Variants in ZNF148 observed in about 807,000 individuals in gnomAD.
ZNF148 encodes the protein Beta-Enolase Repressor Factor-1.
Under a neutral mutation model 67.7 loss-of-function variants are expected in ZNF148, and 7 were observed. That is an observed-to-expected ratio of 0.10 (90% CI 0.06 to 0.19). ZNF148 has a LOEUF of 0.19. Ranked by LOEUF, ZNF148 falls within the 10% of genes least tolerant of loss-of-function variation. ZNF148 has a pLI of 1.00. For missense variants in ZNF148, 583 were observed against 947.1 expected, an observed-to-expected ratio of 0.62 and a Z score of 5.05; for synonymous variants, 333 against 330.7, an observed-to-expected ratio of 1.01 and a Z score of -0.08.
At chr3:125,315,660 G>T (rs1313086590) in intron 3 of ZNF148, among the ~76,000 whole-genome samples, 9 of 140,954 alleles carry the variant, frequency 6.4e-5, no homozygotes, top group African/African-American at 2.4e-4. Flanking sequence ...AGTGAGCCGA[G>T]ATCGAGCCAC....
chr3:125,306,278 T>C (rs919588698), intron 4 of ZNF148, among the ~76,000 whole-genome samples: 2 of 151,870 alleles, frequency 1.3e-5, no homozygotes, highest in African/African-American at 4.8e-5. Context: ...AAAACCAAAG[T>C]AGTAGAAAGA....
Position 125,233,527 on chromosome 3 carries a change from C to T in ZNF148, c.1199G>A (p.Ser400Asn), listed in dbSNP as rs1165406240. The T allele has an allele frequency of 1.9e-6, 3 of 1,613,732 alleles. No homozygotes were observed. The highest frequency in any genetic ancestry group is 1.3e-5 in the African/African-American group (1 of 74,904). The change falls in exon 9 of 9, where the codon AGT becomes AAT. Residue 400 changes from serine to asparagine, a missense_variant. Physicochemically the swap from Ser to Asn is conservative, Grantham distance 46. Coordinates refer to ENST00000360647, the MANE Select transcript of ZNF148 (RefSeq NM_021964.3). This position sits in a 1 kb window ranked among gnomAD's most constrained non-coding sequence, Gnocchi z 5.1. ...LVLKKINSKR[S>N]LKQPLEQNQT... is the part of the protein sequence containing the mutation. ...ATTTTGCTCCAGTGGCTGTTTCAGA[C>T]TTCTCTTACTATTAATTTTTTTGAG...
At chr3:125,284,913 C>CAAAA (rs11420317) in intron 5 of ZNF148, among the ~76,000 whole-genome samples, 4 of 131,426 alleles carry the variant, frequency 3.0e-5, no homozygotes, top group Non-Finnish European at 4.9e-5. Context: ...TTAAGTTTTC[C>CAAAA]AAAAAAAAAA....
intron 5 of ZNF148, among the ~76,000 whole-genome samples, chr3:125,284,212 T>A (rs1455680372): frequency 6.6e-6 from 1 of 152,168 alleles, no homozygotes; most frequent in Non-Finnish European, 1.5e-5. Context: ...CCAACAATCC[T>A]CCTAAAACCC....
At chr3:125,304,961 A>G (rs1043490348) in intron 4 of ZNF148, among the ~76,000 whole-genome samples, 1 of 152,242 alleles carries the variant, frequency 6.6e-6, no homozygotes, top group Admixed American at 6.5e-5. Context: ...GACTGACGAG[A>G]TATGTCCAAG....
At chr3:125,260,206 T>C (rs1937275404) in intron 7 of ZNF148, among the ~76,000 whole-genome samples, 1 of 151,966 alleles carries the variant, frequency 6.6e-6, no homozygotes, top group African/African-American at 2.4e-5. Context: ...ATTGAAAGAA[T>C]TATCAAAATA....
At chr3:125,316,097 G>A (rs1322241815) in intron 3 of ZNF148, among the ~76,000 whole-genome samples, 1 of 152,126 alleles carries the variant, frequency 6.6e-6, no homozygotes, top group Non-Finnish European at 1.5e-5. Context: ...ATGAGAACAT[G>A]CATTTGTCTT....
chr3:125,233,958 G>A lies in ZNF148; in HGVS notation c.787-19C>T. Reference sequence around the variant, plus strand: ...AAAAATACTGTTGAATTCAGAGGATGGTAGTGGGTTGTTTGTGGTTTTGGT... The same window carrying A: ...AAAAATACTGTTGAATTCAGAGGATAGTAGTGGGTTGTTTGTGGTTTTGGT... On this transcript the variant is annotated intron_variant, in intron 8 of 8. Transcript: ENST00000360647. The surrounding 1 kb of genome is among the most constrained non-coding windows in gnomAD (Gnocchi z 5.1). The A allele has an allele frequency of 1.3e-6, 2 of 1,553,722 alleles. No homozygotes were observed. The highest frequency in any genetic ancestry group is 8.6e-7 in the Non-Finnish European group (1 of 1,158,752).
rs796905351 is a variant in ZNF148 at position 125,317,658 on chromosome 3, T to TAGAGAGAGAGAG, written c.-16-4003_-16-4002insCTCTCTCTCTCT. The stretch of plus-strand genomic sequence containing the variant: ...GTAAGATCTTTTATATATATATATA[T>TAGAGAGAGAGAG]ATATAGAGAGAGAGAGAGAGAAATA... On this transcript the variant is annotated intron_variant, in intron 3 of 8. Transcript: ENST00000360647. 9.5e-3 allele frequency among the ~76,000 whole-genome samples: 266 copies of TAGAGAGAGAGAG among 27,950 alleles called. 1 individual carries two copies. The highest frequency in any genetic ancestry group is 0.019 in the Admixed American group (67 of 3,550). 18.3% of individuals were successfully genotyped at this position (27,950 alleles called of 152,430 possible).
intron 3 of ZNF148, chr3:125,314,905 T>C (rs1940410202): frequency 6.6e-6 from 1 of 151,910 alleles, no homozygotes. Flanking sequence ...AAAATAAAAA[T>C]ACAATAATGA....
intron 5 of ZNF148, 27 bp downstream of exon 5, chr3:125,288,076 G>A (rs1198143258): frequency 2.5e-6 from 4 of 1,613,268 alleles, no homozygotes; most frequent in Non-Finnish European, 2.5e-6. Flanking sequence ...AAGAGGTTGT[G>A]ATTACCACCT....
intron 1 of ZNF148, among the ~76,000 whole-genome samples, chr3:125,362,525 C>T (rs1202115652): frequency 6.6e-6 from 1 of 151,612 alleles, no homozygotes; most frequent in Non-Finnish European, 1.5e-5. Flanking sequence ...ATATGATCCC[C>T]CACCAAAGTC....
In ZNF148 at chr3:125,318,575, T is replaced by C. The variant is rs201735048; in HGVS notation, c.-17+4734A>G. ...CCAACTGGAAAGAAAAGAAAATACG[T>C]GGAGTAATAAGCCACTCTGAGCTCC... is the stretch of plus-strand genomic sequence containing the variant. On this transcript the variant is annotated intron_variant, in intron 3 of 8. Transcript: ENST00000360647. 2.0e-5 allele frequency among the ~76,000 whole-genome samples: 3 copies of C among 152,120 alleles called. No homozygotes were observed. The East Asian group carries it at 5.8e-4, about 29-fold the overall frequency.
intron 4 of ZNF148, among the ~76,000 whole-genome samples, chr3:125,301,568 A>C (rs943105728): frequency 3.3e-5 from 5 of 152,226 alleles, no homozygotes; most frequent in African/African-American, 4.8e-5. Flanking sequence ...ACTAACCAAA[A>C]TAAGTTAACA....
intron 1 of ZNF148, among the ~76,000 whole-genome samples, chr3:125,332,464 G>C (rs111654137): frequency 6.6e-6 from 1 of 152,136 alleles, no homozygotes; most frequent in Non-Finnish European, 1.5e-5. Flanking sequence ...GCTAAATTAT[G>C]TTAAATTAAA....
intron 5 of ZNF148, among the ~76,000 whole-genome samples, chr3:125,282,544 C>CTA (rs1407209226): frequency 1.3e-5 from 2 of 152,092 alleles, no homozygotes; most frequent in African/African-American, 4.8e-5. Flanking sequence ...TAGTAATACT[C>CTA]TAATTCTCAA....
chr3:125,308,445 T>C (rs1347247727), intron 4 of ZNF148, among the ~76,000 whole-genome samples: 1 of 151,498 alleles, frequency 6.6e-6, no homozygotes, highest in African/African-American at 2.4e-5. Context: ...CTGGGAGCCA[T>C]TATTGTTTAG....
At chr3:125,241,317 CT>C (rs1223168147) in intron 7 of ZNF148, among the ~76,000 whole-genome samples, 511 of 136,148 alleles carry the variant, frequency 3.8e-3, no homozygotes, top group Non-Finnish European at 4.8e-3. Flanking sequence ...TTCTTTCTTT[CT>C]TTTTTTTTTT....
intron 7 of ZNF148, among the ~76,000 whole-genome samples, chr3:125,247,154 A>G (rs1036842126): frequency 1.3e-5 from 2 of 152,216 alleles, no homozygotes; most frequent in Non-Finnish European, 2.9e-5. Flanking sequence ...AACTTTTTAA[A>G]TAACACCTTT....
Sources: allele counts gnomAD v4.1 joint callset (sites outside exome capture counted in the v4.1 genomes callset), GRCh38; gene constraint gnomAD v4.1.1; non-coding constraint Gnocchi (gnomAD v3.1); transcripts MANE v1.5; gene names NCBI Gene and HGNC (gene_info 2026-07-23, HGNC 2026-07-21).